The following SLC6A3 variants were observed in gnomAD, a reference collection of about 807,000 sequenced individuals.
SLC6A3 encodes solute carrier family 6 member 3.
SLC6A3 carries 19 observed loss-of-function variants against 70.4 expected under a neutral mutation model. The observed-to-expected ratio is 0.27, with a 90% CI of 0.19 to 0.40. The LOEUF (loss-of-function observed/expected upper bound fraction) is 0.40, where lower values mean the gene tolerates loss of function less well. Among genes scored for constraint, SLC6A3 ranks in the 10% least tolerant of loss-of-function variants. SLC6A3 has a pLI of 1.00. For synonymous variants in SLC6A3, 368 were observed against 356.6 expected (o/e 1.03, Z -0.36); for missense variants, 613 against 838.5 (o/e 0.73, Z 3.32).
intron 12 of SLC6A3, among the ~76,000 whole-genome samples, chr5:1,403,602 A>G (rs1046070413): frequency 9.2e-5 from 14 of 151,452 alleles, no homozygotes; most frequent in African/African-American, 3.4e-4. Flanking sequence ...GCTTGAAATC[A>G]CAACAAAAAC....
intron 4 of SLC6A3, among the ~76,000 whole-genome samples, chr5:1,424,234 C>T (rs1756528314): frequency 6.6e-6 from 1 of 152,240 alleles, no homozygotes; most frequent in South Asian, 2.1e-4. Flanking sequence ...AGTCAAGAGG[C>T]TATCCGTCAC....
chr5:1,441,513 T>C (rs1733662937), intron 2 of SLC6A3, 23 bp from the exon 3 acceptor site: 2 of 1,612,028 alleles, frequency 1.2e-6, no homozygotes, highest in Non-Finnish European at 8.5e-7. Context: ...AAAGCACCTT[T>C]AGTTTGGGGC....
intron 4 of SLC6A3, among the ~76,000 whole-genome samples, chr5:1,428,448 A>G (rs1756620298): frequency 6.6e-6 from 1 of 152,356 alleles, no homozygotes; most frequent in South Asian, 2.1e-4. Context: ...AACTGGTCAC[A>G]GTTATGTGGT....
chr5:1,444,262 T>TGAGCAGGA, intron 1 of SLC6A3, among the ~76,000 whole-genome samples: 1 of 152,062 alleles, frequency 6.6e-6, no homozygotes, highest in Admixed American at 6.5e-5. Flanking sequence ...CCTGCAACGC[T>TGAGCAGGA]GAGCAGGAGA....
rs57135183 is a variant in SLC6A3 at position 1,398,360 on chromosome 5, C to CAA, written c.1839+2553_1839+2554dup. 6.7e-3 allele frequency among the ~76,000 whole-genome samples: 460 copies of CAA among 69,052 alleles called. 6 individuals carry two copies. The highest frequency in any genetic ancestry group is 0.018 in the African/African-American group (363 of 19,954). 45.3% of individuals were successfully genotyped at this position (69,052 alleles called of 152,430 possible). On this transcript the variant is annotated intron_variant, in intron 14 of 14. Transcript: ENST00000270349. ...TGGGTGACAGAGCAAGACTCCACCT[C>CAA]AAAAAAAAAAAAAAAAAGAATAAAG...
At chr5:1,430,548 A>G (rs1756672604) in intron 4 of SLC6A3, among the ~76,000 whole-genome samples, 1 of 152,064 alleles carries the variant, frequency 6.6e-6, no homozygotes, top group Non-Finnish European at 1.5e-5. Flanking sequence ...CATCAGCCCT[A>G]CTTTCTCCAA....
intron 6 of SLC6A3, chr5:1,416,416 G>A (rs190627168): frequency 1.1e-5 from 7 of 611,320 alleles, no homozygotes; most frequent in South Asian, 7.7e-5. Flanking sequence ...GAAGCAGGGG[G>A]CTGTCTGTGT....
chr5:1,398,419 C>A (rs937746588), intron 14 of SLC6A3, among the ~76,000 whole-genome samples: 1 of 147,130 alleles, frequency 6.8e-6, no homozygotes, highest in African/African-American at 2.5e-5. Context: ...GAGAAATAAA[C>A]GGAATAATAA....
chr5:1,399,735 C>A (rs1755800212), intron 14 of SLC6A3, among the ~76,000 whole-genome samples: 1 of 152,178 alleles, frequency 6.6e-6, no homozygotes, highest in Admixed American at 6.5e-5. Context: ...GGAAAGGGTG[C>A]CAACGGAGGG....
At chr5:1,400,601 C>A (rs956271617) in intron 14 of SLC6A3, among the ~76,000 whole-genome samples, 4 of 152,176 alleles carry the variant, frequency 2.6e-5, no homozygotes, top group Non-Finnish European at 5.9e-5. Context: ...TGGTCCTTAA[C>A]CTGGCTCAGC....
At position 1,408,606 on chromosome 5, in the gene SLC6A3, C is replaced by T. The variant is rs570517466; in HGVS notation, c.1498+420G>A. 3.9e-5 allele frequency among the ~76,000 whole-genome samples: 6 copies of T among 152,308 alleles called. No individual in the cohort carries two copies. Among genetic ancestry groups the T allele is most frequent in the African/African-American group, 1.2e-4 (5 of 41,562 alleles). ...CAGGAGCTGCACCCCGTTCGAGCGC[C>T]GCCCGCTGATCATCAGGTCCCGACT... On this transcript the variant is annotated intron_variant, in intron 11 of 14. Transcript: ENST00000270349. This position sits in a 1 kb window ranked among gnomAD's most constrained non-coding sequence, Gnocchi z 6.4.
At chr5:1,400,200 G>A (rs1475280491) in intron 14 of SLC6A3, among the ~76,000 whole-genome samples, 1 of 152,250 alleles carries the variant, frequency 6.6e-6, no homozygotes, top group Non-Finnish European at 1.5e-5. Context: ...CACAGGCCCA[G>A]GGCACAGCCC....
intron 3 of SLC6A3, among the ~76,000 whole-genome samples, chr5:1,434,946 T>C (rs984299960): frequency 6.6e-6 from 1 of 152,210 alleles, no homozygotes; most frequent in Non-Finnish European, 1.5e-5. Context: ...GCATGCTCAG[T>C]AGTGGTGACG....
At position 1,408,496 on chromosome 5, in the gene SLC6A3, C is replaced by A. The variant is rs1419019288; in HGVS notation, c.1498+530G>T. Among the ~76,000 whole-genome samples, 2 of 151,690 alleles carry A rather than the reference C, an allele frequency of 1.3e-5. No individual in the cohort carries two copies. The highest frequency in any genetic ancestry group is 4.8e-5 in the African/African-American group (2 of 41,376). On this transcript the variant is annotated intron_variant, in intron 11 of 14. Coordinates refer to ENST00000270349, the MANE Select transcript of SLC6A3 (RefSeq NM_001044.5). The surrounding 1 kb of genome is among the most constrained non-coding windows in gnomAD (Gnocchi z 6.4). ...GCCAGGTCAGCATGTGGGGAAAGGG[C>A]AGCCCTGGCTCCAGGCTGGGTTTTC...
rs115900956 is a variant in SLC6A3 at position 1,435,187 on chromosome 5, G to A, written c.419-2489C>T. Among the ~76,000 whole-genome samples, 1,383 of 152,286 alleles carry A rather than the reference G, an allele frequency of 9.1e-3. 16 individuals are homozygous for A. The highest frequency in any genetic ancestry group is 0.032 in the South Asian group (152 of 4,822). ...AATAATTCTATATTACCGTCTGTCC[G>A]GAGTCCCTTAGGAGAGAGGCTGGGT... On this transcript the variant is annotated intron_variant, in intron 3 of 14. Transcript: ENST00000270349.
At chr5:1,441,288 G>C in intron 3 of SLC6A3, 71 bp downstream of exon 3, 3 of 1,595,560 alleles carry the variant, frequency 1.9e-6, no homozygotes, top group South Asian at 2.2e-5. Flanking sequence ...CGGCTGGCTT[G>C]CTTTGAAAGC....
chr5:1,425,503 C>G (rs532632090), intron 4 of SLC6A3, among the ~76,000 whole-genome samples: 2 of 152,258 alleles, frequency 1.3e-5, no homozygotes, highest in African/African-American at 4.8e-5. Context: ...AATCAGTGAA[C>G]AGCTACTTCA....
chr5:1,410,557 G>C (rs1222617733), intron 9 of SLC6A3, among the ~76,000 whole-genome samples: 1 of 152,168 alleles, frequency 6.6e-6, no homozygotes, highest in Non-Finnish European at 1.5e-5. Context: ...TCAAGGGCTG[G>C]ACCCGCCACC....
intron 4 of SLC6A3, among the ~76,000 whole-genome samples, chr5:1,425,436 A>T (rs1272008915): frequency 6.6e-6 from 1 of 152,242 alleles, no homozygotes; most frequent in Non-Finnish European, 1.5e-5. Context: ...TCTAGCATCT[A>T]ATAAAAAATT....
Sources: gnomAD v4.1 joint callset for allele counts (sites outside exome capture counted in the v4.1 genomes callset) on GRCh38, gnomAD v4.1.1 for gene constraint, Gnocchi (gnomAD v3.1) non-coding constraint, MANE v1.5 for transcripts, NCBI Gene and HGNC (gene_info 2026-07-23, HGNC 2026-07-21) for gene names.